Variants in CREBRF observed in about 807,000 individuals in gnomAD.
The protein encoded by CREBRF is UPF0474 protein C5orf41.
Under a neutral mutation model 66.1 loss-of-function variants are expected in CREBRF, and 5 were observed. That is an observed-to-expected ratio of 0.08 (90% CI 0.04 to 0.16). CREBRF has a LOEUF of 0.16. Among genes scored for constraint, CREBRF ranks in the 10% least tolerant of loss-of-function variants. CREBRF has a pLI of 1.00. For synonymous variants in CREBRF, 229 were observed against 264.4 expected (o/e 0.87, Z 1.30); for missense variants, 531 against 744.9 (o/e 0.71, Z 3.34).
At chr5:173,096,314 T>C (rs1043191100) in intron 4 of CREBRF, among the ~76,000 whole-genome samples, 1 of 152,192 alleles carries the variant, frequency 6.6e-6, no homozygotes, top group African/African-American at 2.4e-5. Context: ...TCATGTCATC[T>C]ACTAACAGAG....
chr5:173,085,397 T>A, intron 2 of CREBRF: 1 of 1,039,674 alleles, frequency 9.6e-7, no homozygotes, highest in Non-Finnish European at 1.4e-6. Flanking sequence ...GCCAATATTG[T>A]ATCGTCAAAT....
intron 2 of CREBRF, chr5:173,085,336 C>T (rs1328798475): frequency 4.1e-6 from 5 of 1,210,882 alleles, no homozygotes; most frequent in Non-Finnish European, 6.0e-6. Context: ...GAGAGATGTT[C>T]ATAGCAGCAC....
intron 6 of CREBRF, among the ~76,000 whole-genome samples, chr5:173,111,193 T>A (rs1758861502): frequency 6.6e-6 from 1 of 152,302 alleles, no homozygotes; most frequent in Non-Finnish European, 1.5e-5. Flanking sequence ...TACTGATCTG[T>A]TTTCTGTCTC....
Position 173,091,085 on chromosome 5 carries a change from C to T in CREBRF, c.906C>T (p.Pro302=). 2 of 1,614,184 alleles carry T rather than the reference C, an allele frequency of 1.2e-6. No individual in the cohort carries two copies. The highest frequency in any genetic ancestry group is 1.7e-6 in the Non-Finnish European group (2 of 1,180,034). ...FKETQELLLS[P]LPQEGPGSLA... is the part of the protein sequence containing the mutation. Reference sequence around the variant, plus strand: ...AAACCCAGGAACTATTACTAAGTCCCCTGCCCCAGGAAGGTCCTGGGTCAC... The same window carrying T: ...AAACCCAGGAACTATTACTAAGTCCTCTGCCCCAGGAAGGTCCTGGGTCAC... Residue 302 remains proline, a synonymous_variant, in exon 4 of 9, where the codon CCC becomes CCT. Transcript: ENST00000296953.
intron 4 of CREBRF, chr5:173,092,288 T>C: frequency 4.1e-6 from 4 of 981,844 alleles, no homozygotes; most frequent in Non-Finnish European, 4.8e-6. Context: ...CATCGTATTT[T>C]CCTATTTAAG....
At chr5:173,069,564 C>T (rs962376455) in intron 1 of CREBRF, among the ~76,000 whole-genome samples, 7 of 151,898 alleles carry the variant, frequency 4.6e-5, no homozygotes, top group African/African-American at 1.7e-4. Context: ...TCAAGTGATC[C>T]ACCCAGCTTG....
chr5:173,114,714 A>G (rs544086055), intron 7 of CREBRF, among the ~76,000 whole-genome samples: 34 of 152,298 alleles, frequency 2.2e-4, no homozygotes, highest in Non-Finnish European at 3.7e-4. Flanking sequence ...ACTTCCTTCT[A>G]TTGATTCCTC....
intron 2 of CREBRF, among the ~76,000 whole-genome samples, chr5:173,082,163 G>A (rs891266629): frequency 4.0e-5 from 6 of 151,640 alleles, no homozygotes; most frequent in Non-Finnish European, 8.8e-5. Context: ...ACAGGCGCCT[G>A]CCACCACGCC....
intron 2 of CREBRF, among the ~76,000 whole-genome samples, chr5:173,084,929 G>A (rs1027144048): frequency 2.0e-5 from 3 of 151,876 alleles, no homozygotes; most frequent in Non-Finnish European, 2.9e-5. Flanking sequence ...ACATGTGTGA[G>A]CCACTGCGCC....
At chr5:173,074,301 C>CAAAAA (rs34804335) in intron 1 of CREBRF, among the ~76,000 whole-genome samples, 4 of 126,398 alleles carry the variant, frequency 3.2e-5, no homozygotes, top group Non-Finnish European at 6.6e-5. Flanking sequence ...AAGTCTGTCT[C>CAAAAA]AAAAAAAAAA....
At chr5:173,132,155 G>C (rs1581055500) in intron 8 of CREBRF, among the ~76,000 whole-genome samples, 1 of 135,218 alleles carries the variant, frequency 7.4e-6, no homozygotes, top group Non-Finnish European at 1.6e-5. Context: ...GCACAATCTT[G>C]ACTCATTGCA....
chr5:173,100,078 T>TTGTGTGTG (rs749558283), intron 4 of CREBRF, among the ~76,000 whole-genome samples: 14,268 of 67,712 alleles, frequency 0.21, 1,309 homozygotes, highest in Admixed American at 0.27. Context: ...GGCTAATCTT[T>TTGTGTGTG]TGTGTGTGTG....
intron 8 of CREBRF, chr5:173,124,486 AG>A (rs1249019476): frequency 7.1e-6 from 1 of 140,698 alleles, no homozygotes; most frequent in East Asian, 2.2e-4. Context: ...TGAATGCAGG[AG>A]GGGTGGAGGT....
Position 173,117,877 on chromosome 5 carries a change from AT to A in CREBRF, c.1682-5189del, listed in dbSNP as rs34542140. ...AGGTGTGCACCACCACACCTGACTG[AT>A]TTTTTTTTTTTTTGAGACGAAGTCT... On this transcript the variant is annotated intron_variant, in intron 7 of 8. Transcript: ENST00000296953. 4.8e-3 allele frequency among the ~76,000 whole-genome samples: 624 copies of A among 130,612 alleles called. 3 individuals carry two copies. The highest frequency in any genetic ancestry group is 0.015 in the African/African-American group (538 of 34,886). The allele number at this position is 130,612 out of a possible 152,430, so 85.7% of individuals were successfully genotyped here. A position where few individuals can be genotyped will look rare whatever the true frequency, so the allele number is the denominator to read the frequency against.
chr5:173,079,506 C>T (rs984922680), intron 1 of CREBRF, among the ~76,000 whole-genome samples: 1 of 151,218 alleles, frequency 6.6e-6, no homozygotes, highest in Non-Finnish European at 1.5e-5. Context: ...CAATGTACCA[C>T]TGTAACCCTC....
At chr5:173,061,990 A>G (rs1379156283) in intron 1 of CREBRF, among the ~76,000 whole-genome samples, 2 of 152,180 alleles carry the variant, frequency 1.3e-5, no homozygotes, top group African/African-American at 2.4e-5. Flanking sequence ...ACTGAGAAAC[A>G]TGTGGCCTGC....
intron 2 of CREBRF, among the ~76,000 whole-genome samples, chr5:173,081,254 C>T (rs1757931476): frequency 6.6e-6 from 1 of 152,126 alleles, no homozygotes. Context: ...TATGTGTGCA[C>T]ATGTAAATAT....
intron 4 of CREBRF, chr5:173,092,376 CAA>C (rs1023548641): frequency 1.0e-6 from 1 of 985,142 alleles, no homozygotes; most frequent in Non-Finnish European, 1.2e-6. Context: ...ATAAAAGGGA[CAA>C]AGAAAATGAA....
chr5:173,123,023 A>G, intron 7 of CREBRF, 57 bp from the exon 8 acceptor site: 2 of 1,503,192 alleles, frequency 1.3e-6, no homozygotes, highest in East Asian at 2.3e-5. Flanking sequence ...TTACATAATT[A>G]AAAGGAAAGT....
Sources: gnomAD v4.1 joint callset for allele counts (sites outside exome capture counted in the v4.1 genomes callset) on GRCh38, gnomAD v4.1.1 for gene constraint, MANE v1.5 for transcripts, NCBI Gene and HGNC (gene_info 2026-07-23, HGNC 2026-07-21) for gene names.